The following GLIS3 variants were observed in gnomAD, a reference collection of about 807,000 sequenced individuals.
The protein encoded by GLIS3 is GLIS family zinc finger 3.
Under a neutral mutation model 78.6 loss-of-function variants are expected in GLIS3, and 53 were observed. The observed-to-expected ratio is 0.67, with a 90% CI of 0.54 to 0.85. GLIS3 has a LOEUF of 0.85. GLIS3 is among the 40% of genes least tolerant of loss of function. The pLI, the probability that GLIS3 is intolerant of heterozygous loss-of-function variation, is 0.00. For missense variants in GLIS3, 1,703 were observed against 1,231.1 expected, an observed-to-expected ratio of 1.38 and a Z score of -5.74; for synonymous variants, 684 against 509.9, an observed-to-expected ratio of 1.34 and a Z score of -4.60.
At chr9:4,148,360 C>T (rs1039180292) in intron 2 of GLIS3, among the ~76,000 whole-genome samples, 2 of 152,094 alleles carry the variant, frequency 1.3e-5, no homozygotes, top group Non-Finnish European at 2.9e-5. Context: ...GTCACCACAT[C>T]CCCACGTCCC....
intron 1 of GLIS3, among the ~76,000 whole-genome samples, chr9:4,293,940 T>G (rs1270256407): frequency 2.0e-5 from 3 of 152,218 alleles, no homozygotes; most frequent in African/African-American, 7.2e-5. Context: ...ACTGAGAACC[T>G]CATAATTCAA....
chr9:4,240,263 A>G (rs1823174040), intron 2 of GLIS3, among the ~76,000 whole-genome samples: 1 of 152,108 alleles, frequency 6.6e-6, no homozygotes, highest in African/African-American at 2.4e-5. Context: ...TTAGATTATC[A>G]TAAGGAACGC....
chr9:4,150,796 C>A (rs1564121574), intron 2 of GLIS3: 1 of 152,126 alleles, frequency 6.6e-6, no homozygotes, highest in African/African-American at 2.4e-5. Flanking sequence ...TGTAAAGTGA[C>A]TTTCACCCGG....
chr9:3,892,728 T>G (rs868169750), intron 7 of GLIS3, among the ~76,000 whole-genome samples: 1 of 152,178 alleles, frequency 6.6e-6, no homozygotes, highest in Non-Finnish European at 1.5e-5. Context: ...TGTTTTTCTT[T>G]CCTTGGAAGG....
intron 4 of GLIS3, among the ~76,000 whole-genome samples, chr9:4,026,304 G>C (rs1368528277): frequency 6.6e-6 from 1 of 152,090 alleles, no homozygotes; most frequent in Non-Finnish European, 1.5e-5. Flanking sequence ...TATAAACATA[G>C]GTCCATTAAT....
In GLIS3 at chr9:3,857,278, G is replaced by A. The variant is rs62521415; in HGVS notation, c.2298-1094C>T. Among the ~76,000 whole-genome samples, 1,232 of 152,308 alleles carry A rather than the reference G, an allele frequency of 8.1e-3. 8 individuals are homozygous for A. The highest frequency in any genetic ancestry group is 0.014 in the Non-Finnish European group (922 of 68,032). On this transcript the variant is annotated intron_variant, in intron 8 of 10. Coordinates refer to ENST00000381971, the MANE Select transcript of GLIS3 (RefSeq NM_001042413.2). ...GTAGAAAGACAGGCTTTGTTTTGCA[G>A]TAACACGTATAGGTCACCATCTGCT...
intron 2 of GLIS3, among the ~76,000 whole-genome samples, chr9:4,160,614 G>C (rs1287771460): frequency 1.3e-5 from 2 of 152,154 alleles, no homozygotes; most frequent in Non-Finnish European, 2.9e-5. Context: ...TTGTTTGACA[G>C]TTTTGTCTTA....
At chr9:3,925,504 T>C (rs970939608) in intron 6 of GLIS3, among the ~76,000 whole-genome samples, 2 of 152,210 alleles carry the variant, frequency 1.3e-5, no homozygotes, top group African/African-American at 4.8e-5. Flanking sequence ...CCCATGTCTG[T>C]ATGGGTTTTC....
intron 2 of GLIS3, among the ~76,000 whole-genome samples, chr9:4,225,907 C>T (rs1035939008): frequency 1.3e-5 from 2 of 152,164 alleles, no homozygotes; most frequent in Non-Finnish European, 2.9e-5. Flanking sequence ...AAGCAACCCA[C>T]AACATTTTCT....
At chr9:4,087,219 G>C (rs992433554) in intron 4 of GLIS3, among the ~76,000 whole-genome samples, 7 of 152,160 alleles carry the variant, frequency 4.6e-5, no homozygotes, top group African/African-American at 1.4e-4. Context: ...TGAGTACAGA[G>C]GTAGAACAGC....
chr9:4,162,449 CA>C (rs1835557066), intron 2 of GLIS3, among the ~76,000 whole-genome samples: 1 of 152,082 alleles, frequency 6.6e-6, no homozygotes, highest in South Asian at 2.1e-4. Context: ...CATTTGCAGA[CA>C]AAATAATTAC....
At chr9:3,878,794 C>T (rs1057038517) in intron 8 of GLIS3, 1 of 157,214 alleles carries the variant, frequency 6.4e-6, no homozygotes, top group Non-Finnish European at 1.4e-5. Context: ...TTACAGCCTG[C>T]TCCACAAAAA....
chr9:3,846,485 C>T (rs2130127872), intron 9 of GLIS3, among the ~76,000 whole-genome samples: 1 of 152,276 alleles, frequency 6.6e-6, no homozygotes, highest in Middle Eastern at 3.4e-3. Context: ...CTACTGTAGT[C>T]CAGGCATTCT....
chr9:3,895,977 T>G (rs547749513), intron 7 of GLIS3, among the ~76,000 whole-genome samples: 31 of 152,254 alleles, frequency 2.0e-4, no homozygotes, highest in Admixed American at 4.6e-4. Context: ...AAACAAATAT[T>G]TTCTTGATTT....
chr9:4,129,500 A>G (rs1832808616), intron 2 of GLIS3, among the ~76,000 whole-genome samples: 1 of 151,428 alleles, frequency 6.6e-6, no homozygotes, highest in African/African-American at 2.5e-5. Flanking sequence ...TTTTCATGAT[A>G]AGTGTTCTCA....
intron 2 of GLIS3, among the ~76,000 whole-genome samples, chr9:4,165,555 C>A (rs1316755238): frequency 6.6e-6 from 1 of 152,236 alleles, no homozygotes; most frequent in African/African-American, 2.4e-5. Context: ...TATCCAGACC[C>A]ATACAGTCTG....
chr9:4,219,127 G>A (rs1405339689), intron 2 of GLIS3, among the ~76,000 whole-genome samples: 3 of 152,232 alleles, frequency 2.0e-5, no homozygotes, highest in African/African-American at 7.2e-5. Context: ...AATCCTCCAG[G>A]AATATAGCCA....
chr9:3,943,018 G>A (rs1816047045), intron 4 of GLIS3, among the ~76,000 whole-genome samples: 2 of 151,814 alleles, frequency 1.3e-5, no homozygotes, highest in African/African-American at 4.8e-5. Context: ...AAAAAAAGTA[G>A]AAGAAAGGTC....
intron 4 of GLIS3, among the ~76,000 whole-genome samples, chr9:4,012,009 T>G (rs1045027579): frequency 1.3e-5 from 2 of 152,122 alleles, no homozygotes; most frequent in African/African-American, 4.8e-5. Flanking sequence ...ACTGAGATCT[T>G]TCTTCCGTTT....
Sources: allele counts gnomAD v4.1 joint callset (sites outside exome capture counted in the v4.1 genomes callset), GRCh38; gene constraint gnomAD v4.1.1; transcripts MANE v1.5; gene names NCBI Gene and HGNC (gene_info 2026-07-23, HGNC 2026-07-21).